Variants in CBR4 observed in about 807,000 individuals in gnomAD.
CBR4 encodes carbonyl reductase 4, also known as 3-oxoacyl-[acyl-carrier-protein] reductase.
Under a neutral mutation model 21.0 loss-of-function variants are expected in CBR4, and 22 were observed. The observed-to-expected ratio is 1.05, with a 90% CI of 0.75 to 1.50. The LOEUF is 1.50. Among genes scored for constraint, CBR4 ranks in the 40% most tolerant of loss-of-function variants. The pLI, the probability that CBR4 is intolerant of heterozygous loss-of-function variation, is 0.00. For synonymous variants in CBR4, 100 were observed against 104.4 expected, an observed-to-expected ratio of 0.96 and a Z score of 0.26; for missense variants, 302 against 286.3, an observed-to-expected ratio of 1.05 and a Z score of -0.40.
At chr4:168,983,597 A>T (rs375131870), downstream of CBR4, among the ~76,000 whole-genome samples, 1 of 152,164 alleles carries the variant, frequency 6.6e-6, no homozygotes, top group Admixed American at 6.5e-5. Context: ...TGGCACAGAC[A>T]TAATGAAAAA....
At chr4:169,003,992 G>A (rs955563167) in intron 3 of CBR4, among the ~76,000 whole-genome samples, 14 of 152,132 alleles carry the variant, frequency 9.2e-5, no homozygotes, top group African/African-American at 2.9e-4. Context: ...TATACCTAAC[G>A]CTAGATGACG....
chr4:168,995,118 A>C (rs921730909), intron 4 of CBR4, among the ~76,000 whole-genome samples: 1 of 151,884 alleles, frequency 6.6e-6, no homozygotes, highest in Non-Finnish European at 1.5e-5. Flanking sequence ...CTCATTAAGT[A>C]CTCTTCATGA....
intron 2 of CBR4, chr4:168,926,393 T>G (rs749096981): frequency 9.3e-5 from 142 of 1,535,084 alleles, no homozygotes; most frequent in South Asian, 7.0e-4. Context: ...TAATCCAGCA[T>G]TCTTGTTAAA....
At chr4:168,934,140 A>G (rs1194313075) in intron 2 of CBR4, among the ~76,000 whole-genome samples, 3 of 152,052 alleles carry the variant, frequency 2.0e-5, no homozygotes, top group Non-Finnish European at 2.9e-5. Flanking sequence ...CTATAGCCCC[A>G]GCCACTCAGA....
rs1253764044 is a variant in CBR4 at position 169,010,096 on chromosome 4, G to A, written c.-7C>T. ...CAGCACACACTTTGTCCATCTCGGA[G>A]TCACAAACTCGGAGGAAAGAGGGTA... On this transcript the variant is annotated 5_prime_UTR_variant, in exon 1 of 5. Transcript: ENST00000306193. 1 of 1,602,658 alleles carries A rather than the reference G, an allele frequency of 6.2e-7. No individual in the cohort carries two copies. Among genetic ancestry groups the A allele is most frequent in the Non-Finnish European group, 8.5e-7 (1 of 1,174,598 alleles).
At chr4:168,994,916 G>A (rs1282432237) in intron 4 of CBR4, among the ~76,000 whole-genome samples, 18 of 152,068 alleles carry the variant, frequency 1.2e-4, no homozygotes, top group Admixed American at 9.8e-4. Context: ...CACCACACCA[G>A]GCTAATTTTG....
chr4:168,897,336 A>C (rs974945144), intron 2 of CBR4, among the ~76,000 whole-genome samples: 18 of 152,240 alleles, frequency 1.2e-4, no homozygotes, highest in African/African-American at 2.9e-4. Context: ...CCCTCAAACC[A>C]ACAAACTTGT....
intron 2 of CBR4, among the ~76,000 whole-genome samples, chr4:168,897,630 T>C (rs2151250980): frequency 6.6e-6 from 1 of 152,190 alleles, no homozygotes; most frequent in South Asian, 2.1e-4. Context: ...TTTTAAATTT[T>C]TTGTAGAGAT....
At chr4:168,928,097 C>T (rs1030260321) in intron 2 of CBR4, 8 of 194,928 alleles carry the variant, frequency 4.1e-5, no homozygotes, top group Non-Finnish European at 5.4e-5. Context: ...GCTTGAGCAC[C>T]GGGTGGCAGA....
At chr4:168,904,116 C>T (rs1757122921) in intron 2 of CBR4, 1 of 570,118 alleles carries the variant, frequency 1.8e-6, no homozygotes, top group East Asian at 3.1e-5. Flanking sequence ...TTATTCTACT[C>T]CTTCCACAAA....
chr4:168,908,710 GATGAA>G (rs1758320223), intron 2 of CBR4, among the ~76,000 whole-genome samples: 1 of 152,066 alleles, frequency 6.6e-6, no homozygotes, highest in Admixed American at 6.6e-5. Flanking sequence ...CTGTAGCCCA[GATGAA>G]ATGAAATAAC....
intron 4 of CBR4, 179 bp downstream of exon 4, chr4:169,001,892 C>T (rs1730474738): frequency 2.1e-6 from 1 of 468,412 alleles, no homozygotes; most frequent in South Asian, 4.2e-5. Flanking sequence ...AACACATAGA[C>T]TTTATATAGA....
intron 2 of CBR4, among the ~76,000 whole-genome samples, chr4:168,900,643 C>A (rs184529993): frequency 5.3e-5 from 8 of 152,200 alleles, no homozygotes; most frequent in East Asian, 1.9e-4. Flanking sequence ...AAAACTGAAT[C>A]GCAACGCCAA....
At chr4:168,898,175 G>A (rs1271864534) in intron 2 of CBR4, 1 of 393,480 alleles carries the variant, frequency 2.5e-6, no homozygotes, top group African/African-American at 2.1e-5. Context: ...AACAGTTTAG[G>A]AATACATAGC....
intron 2 of CBR4, among the ~76,000 whole-genome samples, chr4:168,949,595 G>T (rs557756000): frequency 6.6e-6 from 1 of 151,900 alleles, no homozygotes; most frequent in African/African-American, 2.4e-5. Context: ...GGATTTTGTC[G>T]AATGCTTTTT....
intron 2 of CBR4, chr4:168,916,115 T>A: frequency 7.7e-7 from 1 of 1,306,416 alleles, no homozygotes; most frequent in Admixed American, 1.7e-5. Context: ...GGAAATTACA[T>A]AAAGTATAAA....
chr4:168,998,085 T>C (rs942353963), intron 4 of CBR4, among the ~76,000 whole-genome samples: 5 of 152,206 alleles, frequency 3.3e-5, no homozygotes, highest in Admixed American at 3.3e-4. Flanking sequence ...TCAACAAGAT[T>C]TTCTCCAAGT....
chr4:168,995,071 G>A (rs957584841), intron 4 of CBR4, among the ~76,000 whole-genome samples: 4 of 151,972 alleles, frequency 2.6e-5, no homozygotes, highest in Non-Finnish European at 5.9e-5. Context: ...GTTTCTTTTA[G>A]CCCTACAACA....
intron 2 of CBR4, 26 bp downstream of exon 2, chr4:169,007,610 G>A (rs757809504): frequency 1.4e-6 from 2 of 1,422,996 alleles, no homozygotes; most frequent in Admixed American, 2.6e-5. Context: ...ATATATATAA[G>A]AAACTTATTT....
Sources: gnomAD v4.1 joint callset for allele counts (sites outside exome capture counted in the v4.1 genomes callset) on GRCh38, gnomAD v4.1.1 for gene constraint, MANE v1.5 for transcripts, NCBI Gene and HGNC (gene_info 2026-07-23, HGNC 2026-07-21) for gene names.